Variants in NFIA observed in about 807,000 individuals in gnomAD.
The protein encoded by NFIA is nuclear factor I A.
NFIA carries 8 observed loss-of-function variants against 62.8 expected under a neutral mutation model. That is an observed-to-expected ratio of 0.13 (90% confidence interval 0.07 to 0.23). NFIA has a LOEUF of 0.23. Ranked by LOEUF, NFIA falls within the 10% of genes least tolerant of loss-of-function variation. The pLI is 1.00. For missense variants in NFIA, 410 were observed against 642.1 expected, an observed-to-expected ratio of 0.64 and a Z score of 3.91; for synonymous variants, 235 against 238.1, an observed-to-expected ratio of 0.99 and a Z score of 0.12.
chr1:61,085,748 T>G (rs548613921), intron 1 of NFIA, among the ~76,000 whole-genome samples: 97 of 152,302 alleles, frequency 6.4e-4, no homozygotes, highest in Non-Finnish European at 1.1e-3. Flanking sequence ...GGACTTTTAC[T>G]GGCAGGTTCT....
intron 2 of NFIA, among the ~76,000 whole-genome samples, chr1:61,159,843 G>A (rs189868493): frequency 8.8e-4 from 134 of 151,812 alleles, no homozygotes; most frequent in East Asian, 4.9e-3. Flanking sequence ...CACCATGCCC[G>A]ACTAATTTTT....
chr1:61,256,866 T>C (rs1441943135), intron 2 of NFIA, among the ~76,000 whole-genome samples: 2 of 152,172 alleles, frequency 1.3e-5, no homozygotes, highest in Non-Finnish European at 2.9e-5. Context: ...CACATGGCAC[T>C]GCATGTGTGT....
chr1:61,274,617 A>G (rs1182901263), intron 2 of NFIA, among the ~76,000 whole-genome samples: 2 of 152,194 alleles, frequency 1.3e-5, no homozygotes, highest in Non-Finnish European at 2.9e-5. Context: ...CAACCACGTG[A>G]TATTTGTCCG....
At chr1:61,360,077 TATC>T (rs1408143009) in intron 6 of NFIA, among the ~76,000 whole-genome samples, 1 of 152,202 alleles carries the variant, frequency 6.6e-6, no homozygotes. Flanking sequence ...TATTACTGGA[TATC>T]ATCATGATTA....
At chr1:61,427,102 G>C (rs1234548464) in intron 10 of NFIA, among the ~76,000 whole-genome samples, 2 of 152,122 alleles carry the variant, frequency 1.3e-5, no homozygotes, top group African/African-American at 4.8e-5. Context: ...GGGGAGCAAG[G>C]TGCGGTGGGT....
intron 9 of NFIA, among the ~76,000 whole-genome samples, chr1:61,425,065 A>G (rs1376067313): frequency 6.6e-6 from 1 of 152,304 alleles, no homozygotes; most frequent in South Asian, 2.1e-4. Flanking sequence ...TATTACCACA[A>G]AAAGTTTCTT....
chr1:61,302,532 G>A (rs891238860), intron 3 of NFIA, among the ~76,000 whole-genome samples: 2 of 152,140 alleles, frequency 1.3e-5, no homozygotes, highest in Admixed American at 6.5e-5. Flanking sequence ...AACATGTGGT[G>A]TGTGTTGGGT....
chr1:61,297,260 G>A (rs1053843434), intron 3 of NFIA, among the ~76,000 whole-genome samples: 3 of 152,152 alleles, frequency 2.0e-5, no homozygotes, highest in Non-Finnish European at 4.4e-5. Flanking sequence ...ACCATTAAAG[G>A]TGTGTGTAAA....
chr1:61,271,552 C>T (rs1189369890), intron 2 of NFIA, among the ~76,000 whole-genome samples: 1 of 152,168 alleles, frequency 6.6e-6, no homozygotes, highest in South Asian at 2.1e-4. Context: ...GGGTGGATCT[C>T]CAGAGCAGCT....
chr1:61,260,611 C>T (rs190182868), intron 2 of NFIA, among the ~76,000 whole-genome samples: 5 of 152,278 alleles, frequency 3.3e-5, no homozygotes, highest in East Asian at 1.9e-4. Flanking sequence ...GACGGAGTCT[C>T]GCTCTGTCGC....
At chr1:61,115,912 G>A (rs1177099648) in intron 2 of NFIA, among the ~76,000 whole-genome samples, 1 of 152,114 alleles carries the variant, frequency 6.6e-6, no homozygotes, top group Non-Finnish European at 1.5e-5. Context: ...ACTCTAAAAA[G>A]GTGGTGAAGA....
chr1:61,206,094 GT>G (rs1384169792), intron 2 of NFIA, among the ~76,000 whole-genome samples: 1 of 151,380 alleles, frequency 6.6e-6, no homozygotes, highest in Non-Finnish European at 1.5e-5. Flanking sequence ...CCCAACTAAT[GT>G]TTTTAAAATT....
intron 2 of NFIA, among the ~76,000 whole-genome samples, chr1:61,156,389 C>T (rs1165075331): frequency 1.3e-5 from 2 of 152,092 alleles, no homozygotes; most frequent in African/African-American, 4.8e-5. Context: ...TTATTAGAGA[C>T]CATTGAGACG....
intron 4 of NFIA, among the ~76,000 whole-genome samples, chr1:61,336,740 G>A (rs894565001): frequency 9.8e-4 from 149 of 152,158 alleles, no homozygotes; most frequent in African/African-American, 3.5e-3. Flanking sequence ...AGATGTTTTT[G>A]ATGGTCTCAG....
At chr1:61,343,312 G>A (rs1470743901) in intron 4 of NFIA, among the ~76,000 whole-genome samples, 2 of 152,152 alleles carry the variant, frequency 1.3e-5, no homozygotes, top group African/African-American at 2.4e-5. Context: ...GGAGTGGGGT[G>A]GGAAAATGTA....
intron 4 of NFIA, among the ~76,000 whole-genome samples, chr1:61,337,970 AC>A (rs1439695010): frequency 1.3e-5 from 2 of 152,182 alleles, no homozygotes; most frequent in African/African-American, 4.8e-5. Context: ...TGGTGGAGTG[AC>A]TTCGAAACCC....
At chr1:61,254,091 T>C (rs1656224489) in intron 2 of NFIA, among the ~76,000 whole-genome samples, 1 of 152,194 alleles carries the variant, frequency 6.6e-6, no homozygotes. Context: ...AAGTACTTTG[T>C]GTGGGTTTGT....
At chr1:61,132,495 C>T (rs138799066) in intron 2 of NFIA, among the ~76,000 whole-genome samples, 2 of 152,280 alleles carry the variant, frequency 1.3e-5, no homozygotes, top group East Asian at 3.9e-4. Flanking sequence ...CAACAAACCT[C>T]AAGTACCATA....
At chr1:61,363,618 TATA>T (rs1290614379) in intron 6 of NFIA, among the ~76,000 whole-genome samples, 1 of 138,146 alleles carries the variant, frequency 7.2e-6, no homozygotes, top group African/African-American at 2.6e-5. Flanking sequence ...AAAAAAAAAT[TATA>T]ATAAGAAACA....
Sources: gnomAD v4.1 joint callset for allele counts (sites outside exome capture counted in the v4.1 genomes callset) on GRCh38, gnomAD v4.1.1 for gene constraint, MANE v1.5 for transcripts, NCBI Gene and HGNC (gene_info 2026-07-23, HGNC 2026-07-21) for gene names.